The following CATSPER1 variants were observed in gnomAD, a reference collection of about 807,000 sequenced individuals.
CATSPER1 encodes the protein cation channel sperm associated 1.
A neutral mutation model predicts 72.7 loss-of-function variants in CATSPER1; 57 were observed. The ratio of observed to expected loss-of-function variants is 0.78; its 90% CI spans 0.63 to 0.98. CATSPER1 has a LOEUF of 0.98. Ranked by LOEUF, CATSPER1 falls within the 50% of genes least tolerant of loss-of-function variation. The pLI is 0.00. For synonymous variants in CATSPER1, 363 were observed against 403.0 expected, an observed-to-expected ratio of 0.90 and a Z score of 1.19; for missense variants, 910 against 1,033.9, an observed-to-expected ratio of 0.88 and a Z score of 1.64.
At position 66,020,588 on chromosome 11, in the gene CATSPER1, A is replaced by G; in HGVS notation, c.1967T>C (p.Ile656Thr). 1.2e-6 allele frequency: 2 copies of G among 1,612,436 alleles called. No homozygotes were observed. Among genetic ancestry groups the G allele is most frequent in the Non-Finnish European group, 1.7e-6 (2 of 1,179,450 alleles). The change falls in exon 7 of 12, where the codon ATC becomes ACC. Residue 656 changes from isoleucine to threonine, a missense_variant. Transcript: ENST00000312106. This position sits in a 1 kb window ranked among gnomAD's most constrained non-coding sequence, Gnocchi z 4.5. Reference sequence around the variant, plus strand: ...CTTGAGGAAGATGAAGTACTGGATGATGATGTAAATTACGAGGATGGGAAT... The same window carrying G: ...CTTGAGGAAGATGAAGTACTGGATGGTGATGTAAATTACGAGGATGGGAAT... ...YIIPILVIYI[I>T]IQYFIFLNLV...
Position 66,020,320 on chromosome 11 carries a change from C to T in CATSPER1, c.2061G>A (p.Gln687=), listed in dbSNP as rs1281007903. The T allele has an allele frequency of 5.0e-6, 8 of 1,614,222 alleles. No individual in the cohort carries two copies. The highest frequency in any genetic ancestry group is 2.2e-5 in the South Asian group (2 of 91,088). The change falls in exon 8 of 12, where the codon CAG becomes CAA. Residue 687 remains glutamine (Q), a synonymous_variant. Coordinates refer to ENST00000312106, the MANE Select transcript of CATSPER1 (RefSeq NM_053054.4). The surrounding 1 kb of genome is among the most constrained non-coding windows in gnomAD (Gnocchi z 4.5). ...CCTGTCCCACCCCACTCGGTACCTC[C>T]TGCTTCGCTTTCTCAAGGCCTTTGA... ...ALFKGLEKAK[Q]ERAARIQEKL...
chr11:66,025,169 C>T lies in CATSPER1; in HGVS notation c.1211G>A (p.Arg404His), dbSNP rs140016343. Residue 404 changes from arginine to histidine, a missense_variant, in exon 1 of 12, where the codon CGC (arginine) becomes CAC (histidine). Coordinates refer to ENST00000312106, the MANE Select transcript of CATSPER1 (RefSeq NM_053054.4). ...GGGGCCCAGCAAAGACTCACTTTTG[C>T]GTTTCTGAAATTGCCCTTCTTCTTT... ...WGKEEGQFQK[R>H]KTGRLQRTRK... 23 of 1,614,006 alleles carry T rather than the reference C, an allele frequency of 1.4e-5. No homozygotes were observed. Among genetic ancestry groups the T allele is most frequent in the African/African-American group, 8.0e-5 (6 of 74,910 alleles).
chr11:66,020,674 C>G lies in CATSPER1; in HGVS notation c.1928-47G>C. ...GCACAGTCAGGCTGTGCTCGCCACCCCCAACCACGACCTGCTCCCTTCCCA... is the reference window on the plus strand; with the variant it reads ...GCACAGTCAGGCTGTGCTCGCCACCGCCAACCACGACCTGCTCCCTTCCCA... On this transcript the variant is annotated intron_variant, in intron 6 of 11. Coordinates refer to ENST00000312106, the MANE Select transcript of CATSPER1 (RefSeq NM_053054.4). The surrounding 1 kb of genome is among the most constrained non-coding windows in gnomAD (Gnocchi z 4.5). 6.3e-7 allele frequency: 1 copy of G among 1,599,586 alleles called. No individual in the cohort carries two copies. The highest frequency in any genetic ancestry group is 8.5e-7 in the Non-Finnish European group (1 of 1,169,632).
In CATSPER1 at chr11:66,025,973, T is replaced by C. The variant is rs1856495487; in HGVS notation, c.407A>G (p.His136Arg). The C allele has an allele frequency of 6.2e-7, 1 of 1,613,668 alleles. No homozygotes were observed. The highest frequency in any genetic ancestry group is 8.5e-7 in the Non-Finnish European group (1 of 1,179,918). ...ATGGTAATGGGAGTCACTCTGCTGA[T>C]GGAACCCACCGTATTGGGACCCATC... is the stretch of plus-strand genomic sequence containing the variant. ...HHDGSQYGGF[H>R]QQSDSHYHRG... Residue 136 changes from histidine (H) to arginine (R), a missense_variant, in exon 1 of 12, where the codon CAT becomes CGT. Physicochemically the swap from His to Arg is conservative, Grantham distance 29 (BLOSUM62 0). Transcript: ENST00000312106.
At chr11:66,017,907 A>G (rs1041824777) in intron 10 of CATSPER1, among the ~76,000 whole-genome samples, 1 of 152,218 alleles carries the variant, frequency 6.6e-6, no homozygotes, top group Non-Finnish European at 1.5e-5. Flanking sequence ...AGTTTGAAAG[A>G]TAAGTGAGAG....
Position 66,016,818 on chromosome 11 carries a change from G to A in CATSPER1, c.*72C>T. 6.5e-7 allele frequency: 1 copy of A among 1,538,104 alleles called. No homozygotes were observed. The highest frequency in any genetic ancestry group is 8.9e-7 in the Non-Finnish European group (1 of 1,127,804). On this transcript the variant is annotated 3_prime_UTR_variant, in exon 12 of 12. Transcript: ENST00000312106. ...CCGGACAATCATTCCAGCAGATCTG[G>A]GGACCCGTCCCAGTGCACCCAGGTG...
rs1565070554 is a variant in CATSPER1, at chr11:66,020,506, CA to C, written c.1991+57del. The C allele has an allele frequency of 3.8e-6, 6 of 1,599,100 alleles. No individual in the cohort carries two copies. Among genetic ancestry groups the C allele is most frequent in the Non-Finnish European group, 5.1e-6 (6 of 1,167,326 alleles). On this transcript the variant is annotated intron_variant, in intron 7 of 11. Coordinates refer to ENST00000312106, the MANE Select transcript of CATSPER1 (RefSeq NM_053054.4). This position sits in a 1 kb window ranked among gnomAD's most constrained non-coding sequence, Gnocchi z 4.5. ...GGTGAGAGGGCTGGGGTAAGGGTCC[CA>C]GGGGAGAGGAGGAAGTGTGGGTGGT...
chr11:66,023,120 C>A (rs1856412469), intron 1 of CATSPER1, 59 bp from the exon 2 acceptor site: 1 of 1,495,378 alleles, frequency 6.7e-7, no homozygotes, highest in Non-Finnish European at 9.3e-7. Flanking sequence ...AGGTCCCAGG[C>A]ACCCCCCAGC....
At chr11:66,019,745 A>G (rs905878487) in intron 9 of CATSPER1, among the ~76,000 whole-genome samples, 1 of 151,682 alleles carries the variant, frequency 6.6e-6, no homozygotes, top group Non-Finnish European at 1.5e-5. Flanking sequence ...AAAAATACAC[A>G]CACACACAAA....
At chr11:66,021,233 T>G (rs1332290822) in intron 4 of CATSPER1, 48 bp from the exon 5 acceptor site, 13 of 1,539,320 alleles carry the variant, frequency 8.4e-6, no homozygotes, top group Non-Finnish European at 1.2e-5. Flanking sequence ...GGGGCGGGGG[T>G]GTGTGTCTCT....
At chr11:66,018,392 C>T in intron 10 of CATSPER1, among the ~76,000 whole-genome samples, 1 of 152,002 alleles carries the variant, frequency 6.6e-6, no homozygotes, top group East Asian at 1.9e-4. Flanking sequence ...GGTTGAGCAT[C>T]GGACCTCCAG....
rs1856492478 is a variant in CATSPER1 at position 66,025,889 on chromosome 11, G to A, written c.491C>T (p.Ser164Phe). Residue 164 changes from serine to phenylalanine, a missense_variant, in exon 1 of 12, where the codon TCT becomes TTT. Transcript: ENST00000312106. Reference protein sequence around the residue: ...YLGENLSHYSSGVPHHGEASH... With the variant: ...YLGENLSHYSFGVPHHGEASH... ...AGCCTCACCGTGGTGGGGCACGCCA[G>A]AGGAATAGTGGGATAAATTCTCACC... 1 of 1,612,784 alleles carries A rather than the reference G, an allele frequency of 6.2e-7. No homozygotes were observed. Among genetic ancestry groups the A allele is most frequent in the African/African-American group, 1.3e-5 (1 of 74,572 alleles).
At position 66,025,373 on chromosome 11, in the gene CATSPER1, T is replaced by G. The variant is rs1323857488; in HGVS notation, c.1007A>C (p.His336Pro). Reference sequence around the variant, plus strand: ...AGAAGCAGCAGGGCCGGGGGCATCGTGAATCAGGCTCCGGGATGTGTGTGG... The same window carrying G: ...AGAAGCAGCAGGGCCGGGGGCATCGGGAATCAGGCTCCGGGATGTGTGTGG... ...SIPHTSRSLI[H>P]DAPGPAASRT... Residue 336 changes from histidine to proline, a missense_variant, in exon 1 of 12, where the codon CAC (histidine) becomes CCC (proline). By Grantham distance (77) the His-to-Pro change is moderately conservative (BLOSUM62 -2). Transcript: ENST00000312106. 6.2e-7 allele frequency: 1 copy of G among 1,613,880 alleles called. No individual in the cohort carries two copies. The highest frequency in any genetic ancestry group is 8.5e-7 in the Non-Finnish European group (1 of 1,180,000).
At position 66,021,504 on chromosome 11, in the gene CATSPER1, C is replaced by A. The variant is rs1322296068; in HGVS notation, c.1683G>T (p.Arg561=). 1 of 1,613,404 alleles carries A rather than the reference C, an allele frequency of 6.2e-7. No individual in the cohort carries two copies. Among genetic ancestry groups the A allele is most frequent in the Admixed American group, 1.7e-5 (1 of 60,018 alleles). The change falls in exon 4 of 12, where the codon CGG becomes CGT. Residue 561 remains arginine, a synonymous_variant. Coordinates refer to ENST00000312106, the MANE Select transcript of CATSPER1 (RefSeq NM_053054.4). ...GAGCCGTGGCCACTGACCTGAGCCT[C>A]CGCAGGACCCGGATTGCCCTCAGGG... The part of the protein sequence containing the change: ...LRALRAIRVL[R]RLSFLTSVQE...
At position 66,026,068 on chromosome 11, in the gene CATSPER1, G is replaced by A. The variant is rs759744256; in HGVS notation, c.312C>T (p.Ala104=). 16 of 1,613,708 alleles carry A rather than the reference G, an allele frequency of 9.9e-6. No homozygotes were observed. Among genetic ancestry groups the A allele is most frequent in the East Asian group, 2.2e-5 (1 of 44,886 alleles). Residue 104 remains alanine, a synonymous_variant, in exon 1 of 12, where the codon GCC becomes GCT. Coordinates refer to ENST00000312106, the MANE Select transcript of CATSPER1 (RefSeq NM_053054.4). ...CACCGTAGGAACGGTGGGAGGGGAC[G>A]GCGCCTTGAGAGGGAGCCAGACCAA... The part of the protein sequence containing the change: ...TGFGLAPSQG[A]VPSHRSYGED...
At position 66,017,176 on chromosome 11, in the gene CATSPER1, T is replaced by A; in HGVS notation, c.2202-2A>T. The stretch of plus-strand genomic sequence containing the variant: ...TAATGGAACAGGAGCTCCTGCTGCC[T>A]GCGGGTGGGCGGGGGGGTCGCAGAG... On this transcript the variant is annotated splice_acceptor_variant, in intron 10 of 11. Coordinates refer to ENST00000312106, the MANE Select transcript of CATSPER1 (RefSeq NM_053054.4). LOFTEE classifies it high-confidence loss of function. The A allele has an allele frequency of 3.2e-6, 1 of 310,628 alleles. No homozygotes were observed. Among genetic ancestry groups the A allele is most frequent in the Non-Finnish European group, 6.1e-6 (1 of 164,136 alleles). The allele number at this position is 310,628 out of a possible 1,614,324, so 19.2% of individuals were successfully genotyped here.
rs116238678 is a variant in CATSPER1 at position 66,025,061 on chromosome 11, G to A, written c.1216+103C>T. On this transcript the variant is annotated intron_variant, in intron 1 of 11. Coordinates refer to ENST00000312106, the MANE Select transcript of CATSPER1 (RefSeq NM_053054.4). Reference sequence around the variant, plus strand: ...GCCAGTGGGGGACCTGTGCAGGAGGGTCGGGCCTTACGATCTGCGGAAGGA... The same window carrying A: ...GCCAGTGGGGGACCTGTGCAGGAGGATCGGGCCTTACGATCTGCGGAAGGA... 2.9e-3 allele frequency: 4,190 copies of A among 1,424,550 alleles called. 57 individuals are homozygous for A. In the African/African-American group the frequency reaches 0.049, roughly 17 times the overall value. 88.2% of individuals were successfully genotyped at this position (1,424,550 alleles called of 1,614,324 possible).
chr11:66,021,636 G>T lies in CATSPER1; in HGVS notation c.1551C>A (p.Phe517Leu). Residue 517 changes from phenylalanine (F) to leucine (L), a missense_variant, in exon 4 of 12, where the codon TTC becomes TTA. Coordinates refer to ENST00000312106, the MANE Select transcript of CATSPER1 (RefSeq NM_053054.4). ...FFDFWNNLDFFIMAMAVLDFL... is the reference protein window; with the variant it reads ...FFDFWNNLDFLIMAMAVLDFL... ...AGTCCAGCACGGCCATGGCCATAAT[G>T]AAGAAGTCTGAGGGCACGGGGTGCC... 6.2e-7 allele frequency: 1 copy of T among 1,607,074 alleles called. No individual in the cohort carries two copies. The highest frequency in any genetic ancestry group is 8.5e-7 in the Non-Finnish European group (1 of 1,176,508).
At chr11:66,019,105 T>A (rs1225842122) in intron 9 of CATSPER1, among the ~76,000 whole-genome samples, 1 of 151,880 alleles carries the variant, frequency 6.6e-6, no homozygotes, top group Non-Finnish European at 1.5e-5. Context: ...GTGCCCCAAT[T>A]GTCTTGAGGA....
Sources: gnomAD v4.1 joint callset for allele counts (sites outside exome capture counted in the v4.1 genomes callset) on GRCh38, gnomAD v4.1.1 for gene constraint, Gnocchi (gnomAD v3.1) non-coding constraint, MANE v1.5 for transcripts, NCBI Gene and HGNC (gene_info 2026-07-23, HGNC 2026-07-21) for gene names.